PDE10A: variants seen among roughly 807,000 people sequenced by gnomAD.
PDE10A encodes cAMP and cAMP-inhibited cGMP 3',5'-cyclic phosphodiesterase 10A.
PDE10A carries 39 observed loss-of-function variants against 97.7 expected under a neutral mutation model. That is an observed-to-expected ratio of 0.40 (90% CI 0.31 to 0.52). The LOEUF (loss-of-function observed/expected upper bound fraction) is 0.52. Ranked by LOEUF, PDE10A falls within the 20% of genes least tolerant of loss-of-function variation. PDE10A has a pLI of 0.56. For missense variants in PDE10A, 731 were observed against 1,047.8 expected (o/e 0.70, Z 4.17); for synonymous variants, 371 against 376.8 (o/e 0.98, Z 0.18).
intron 1 of PDE10A, among the ~76,000 whole-genome samples, chr6:165,876,003 T>C (rs1781335727): frequency 6.6e-6 from 1 of 152,226 alleles, no homozygotes; most frequent in South Asian, 2.1e-4. Flanking sequence ...ATGGATAACA[T>C]GAGGCAGGTC....
intron 1 of PDE10A, among the ~76,000 whole-genome samples, chr6:165,959,364 G>A (rs1370866370): frequency 6.6e-6 from 1 of 152,174 alleles, no homozygotes; most frequent in Non-Finnish European, 1.5e-5. Context: ...TCACTGCAAA[G>A]TCCTGGCTTT....
At chr6:165,762,326 T>C (rs1237628331) in intron 1 of PDE10A, among the ~76,000 whole-genome samples, 1 of 152,210 alleles carries the variant, frequency 6.6e-6, no homozygotes. Context: ...TCCCTGGCAA[T>C]ACGTGTTGTC....
intron 1 of PDE10A, among the ~76,000 whole-genome samples, chr6:165,642,776 A>G (rs1188702425): frequency 1.3e-5 from 2 of 152,262 alleles, no homozygotes; most frequent in Non-Finnish European, 2.9e-5. Context: ...TCAGCTCTAA[A>G]GAGCCCTTTG....
chr6:165,339,749 T>A (rs1781868432), intron 19 of PDE10A, among the ~76,000 whole-genome samples: 2 of 152,214 alleles, frequency 1.3e-5, no homozygotes, highest in East Asian at 1.9e-4. Flanking sequence ...AGTTTGGCTT[T>A]CCAGAGGAAT....
At chr6:165,488,029 C>CAAAA (rs58319021) in intron 2 of PDE10A, among the ~76,000 whole-genome samples, 9 of 83,406 alleles carry the variant, frequency 1.1e-4, no homozygotes, top group Non-Finnish European at 1.5e-4. Context: ...AACAAATTGG[C>CAAAA]AAAAAAAAAA....
chr6:165,906,598 A>T (rs1782293107), intron 1 of PDE10A, among the ~76,000 whole-genome samples: 2 of 152,212 alleles, frequency 1.3e-5, no homozygotes, highest in Admixed American at 1.3e-4. Flanking sequence ...AGGTGAAAGA[A>T]TGGAAATAAT....
intron 1 of PDE10A, among the ~76,000 whole-genome samples, chr6:165,764,585 G>T (rs1417540990): frequency 6.6e-6 from 1 of 152,076 alleles, no homozygotes; most frequent in Non-Finnish European, 1.5e-5. Flanking sequence ...GGTCTTGCTG[G>T]CTCAGGAGTG....
chr6:165,346,378 T>C lies in PDE10A; in HGVS notation c.2784-2876A>G, dbSNP rs569659915. Among the ~76,000 whole-genome samples the C allele has an allele frequency of 4.6e-5, 7 of 152,168 alleles. No homozygotes were observed. In the South Asian group the frequency reaches 1.0e-3, roughly 22 times the overall value. ...AAATTATTAACACCCATAAGAGTTA[T>C]AAAGACAAGGCATTTCTCTCTCCCG... is the stretch of plus-strand genomic sequence containing the variant. On this transcript the variant is annotated intron_variant, in intron 18 of 21. Transcript: ENST00000539869.
chr6:165,442,784 C>T lies in PDE10A; in HGVS notation c.1194+6144G>A, dbSNP rs1790566747. ...TTCAAGACCAATCAGGTCTTCCCCA[C>T]AGTCCTTCAAAGTCTTAATTCACTG... On this transcript the variant is annotated intron_variant, in intron 5 of 21. Transcript: ENST00000539869. Among the ~76,000 whole-genome samples, 2 of 152,056 alleles carry T rather than the reference C, an allele frequency of 1.3e-5. 1 individual carries two copies. The highest frequency in any genetic ancestry group is 4.1e-4 in the South Asian group (2 of 4,824).
At chr6:165,668,747 A>C (rs1358226275) in intron 1 of PDE10A, among the ~76,000 whole-genome samples, 1 of 134,598 alleles carries the variant, frequency 7.4e-6, no homozygotes, top group South Asian at 2.7e-4. Context: ...AAAAGACAGA[A>C]AGAGAAAGGA....
chr6:165,938,038 A>G (rs1783392779), intron 1 of PDE10A, among the ~76,000 whole-genome samples: 1 of 152,214 alleles, frequency 6.6e-6, no homozygotes, highest in South Asian at 2.1e-4. Context: ...TTTCCTCTAC[A>G]AAGACTTCAG....
At chr6:165,776,168 A>T (rs141119338) in intron 1 of PDE10A, among the ~76,000 whole-genome samples, 103 of 152,362 alleles carry the variant, frequency 6.8e-4, no homozygotes, top group Non-Finnish European at 1.1e-3. Context: ...TAATTTAAAT[A>T]AACTTATTTT....
intron 17 of PDE10A, among the ~76,000 whole-genome samples, chr6:165,380,618 T>A (rs1392922885): frequency 2.0e-5 from 3 of 152,204 alleles, no homozygotes; most frequent in Admixed American, 2.0e-4. Context: ...GACTTCACTT[T>A]CAAATTATAA....
At chr6:165,447,977 C>T (rs565700840) in intron 5 of PDE10A, among the ~76,000 whole-genome samples, 469 of 151,860 alleles carry the variant, frequency 3.1e-3, no homozygotes, top group Non-Finnish European at 5.8e-3. Context: ...CAACTATTTT[C>T]GCACTTTGCA....
chr6:165,551,283 C>T (rs1784001749), intron 1 of PDE10A, among the ~76,000 whole-genome samples: 1 of 151,738 alleles, frequency 6.6e-6, no homozygotes, highest in Admixed American at 6.6e-5. Flanking sequence ...CTTCATACAC[C>T]TCCTTCTCTG....
chr6:165,543,250 C>T (rs1783557424), intron 2 of PDE10A, among the ~76,000 whole-genome samples, 190 bp downstream of exon 2: 2 of 152,046 alleles, frequency 1.3e-5, no homozygotes, highest in Admixed American at 6.6e-5. Flanking sequence ...TTTAATTAGT[C>T]ACGGATCTTT....
chr6:165,362,952 T>C (rs1286452302), intron 18 of PDE10A, among the ~76,000 whole-genome samples: 1 of 152,022 alleles, frequency 6.6e-6, no homozygotes, highest in Non-Finnish European at 1.5e-5. Context: ...ATAGAATAAA[T>C]AACAAAAACT....
chr6:165,592,921 C>G (rs551279409), intron 1 of PDE10A, among the ~76,000 whole-genome samples: 33 of 152,260 alleles, frequency 2.2e-4, no homozygotes, highest in Admixed American at 2.1e-3. Context: ...ACTAGAAATA[C>G]CATTTGACCC....
intron 10 of PDE10A, among the ~76,000 whole-genome samples, chr6:165,422,737 A>C (rs1370251738): frequency 2.6e-5 from 4 of 152,212 alleles, no homozygotes; most frequent in African/African-American, 9.6e-5. Flanking sequence ...GATAAATTCA[A>C]GGACACATGG....
Sources: allele counts gnomAD v4.1 joint callset (sites outside exome capture counted in the v4.1 genomes callset), GRCh38; gene constraint gnomAD v4.1.1; transcripts MANE v1.5; gene names NCBI Gene and HGNC (gene_info 2026-07-23, HGNC 2026-07-21).